NTM: variants seen among roughly 807,000 people sequenced by gnomAD.
The protein encoded by NTM is neurotrimin, also known as IgLON family member 2.
In NTM, 13 loss-of-function variants were observed where a neutral mutation model predicts 42.1. That is an observed-to-expected ratio of 0.31 (90% confidence interval 0.20 to 0.49). NTM has a LOEUF of 0.49. Among genes scored for constraint, NTM ranks in the 20% least tolerant of loss-of-function variants. NTM has a pLI of 0.99. For missense variants in NTM, 373 were observed against 452.8 expected (o/e 0.82, Z 1.60); for synonymous variants, 187 against 179.2 (o/e 1.04, Z -0.35).
Position 131,464,656 on chromosome 11 carries a change from A to C in NTM, c.82+93768A>C, listed in dbSNP as rs73588721. Among the ~76,000 whole-genome samples, 565 of 152,210 alleles carry C rather than the reference A, an allele frequency of 3.7e-3. 5 individuals carry two copies. Among genetic ancestry groups the C allele is most frequent in the African/African-American group, 0.013 (532 of 41,552 alleles). On this transcript the variant is annotated intron_variant, in intron 1 of 8. Coordinates refer to ENST00000683400, the MANE Select transcript of NTM (RefSeq NM_001352005.2). ...CACCTCGAACAAGCTCACAAATCAG[A>C]GATGTCTTCCGCCCCAGTCCTGGGA...
chr11:131,375,723 GA>G (rs1941877272), intron 1 of NTM, among the ~76,000 whole-genome samples: 2 of 151,944 alleles, frequency 1.3e-5, no homozygotes, highest in South Asian at 2.1e-4. Context: ...CAAAGGGTGG[GA>G]AAAAAAGAGC....
intron 1 of NTM, among the ~76,000 whole-genome samples, chr11:131,540,016 G>A (rs2052957425): frequency 6.6e-6 from 1 of 152,132 alleles, no homozygotes; most frequent in African/African-American, 2.4e-5. Context: ...CCTCATCCTT[G>A]CTCACTACGG....
At chr11:132,325,323 A>G (rs1435009127) in intron 7 of NTM, among the ~76,000 whole-genome samples, 40 of 151,966 alleles carry the variant, frequency 2.6e-4, no homozygotes, top group African/African-American at 9.7e-4. Flanking sequence ...CAAATTTACA[A>G]GAAAAAAACA....
At chr11:132,114,794 C>T (rs1304699020) in intron 2 of NTM, among the ~76,000 whole-genome samples, 1 of 152,118 alleles carries the variant, frequency 6.6e-6, no homozygotes, top group East Asian at 1.9e-4. Flanking sequence ...CGGGTAGGCT[C>T]CAGGGGCATA....
intron 1 of NTM, among the ~76,000 whole-genome samples, chr11:131,399,195 C>G (rs1591558791): frequency 6.6e-6 from 1 of 152,180 alleles, no homozygotes; most frequent in African/African-American, 2.4e-5. Context: ...CCTTAGTTTG[C>G]TGCCAGGATG....
intron 3 of NTM, among the ~76,000 whole-genome samples, chr11:132,189,540 T>A (rs770961225): frequency 5.3e-5 from 8 of 152,296 alleles, no homozygotes; most frequent in Non-Finnish European, 8.8e-5. Context: ...GAACCGAACT[T>A]GGACTTCTCC....
chr11:132,271,673 A>T lies in NTM; in HGVS notation c.527-36016A>T, dbSNP rs986361209. 4.7e-5 allele frequency among the ~76,000 whole-genome samples: 7 copies of T among 150,212 alleles called. No individual in the cohort carries two copies. The East Asian group carries it at 1.4e-3, about 29-fold the overall frequency. On this transcript the variant is annotated intron_variant, in intron 4 of 8. Transcript: ENST00000683400. ...GATAGGAACTGTTTTTGATGTTCTT[A>T]TTGGCCATTCATACATCTTTGGAGA...
intron 1 of NTM, among the ~76,000 whole-genome samples, chr11:131,805,896 A>G (rs1482823044): frequency 6.6e-6 from 1 of 152,200 alleles, no homozygotes; most frequent in East Asian, 1.9e-4. Flanking sequence ...TAGTTTTCTT[A>G]TTTGCACAAA....
At chr11:131,878,368 C>T (rs564878028) in intron 1 of NTM, among the ~76,000 whole-genome samples, 4 of 151,238 alleles carry the variant, frequency 2.6e-5, no homozygotes, top group East Asian at 3.9e-4. Flanking sequence ...GTCAGGAGTT[C>T]GAGACCAGCC....
At chr11:132,218,124 G>A (rs540076041) in intron 4 of NTM, among the ~76,000 whole-genome samples, 2 of 152,182 alleles carry the variant, frequency 1.3e-5, no homozygotes, top group African/African-American at 2.4e-5. Context: ...ACCAGCATCC[G>A]GGGCCCCGTG....
chr11:131,504,915 A>G (rs988377180), intron 1 of NTM, among the ~76,000 whole-genome samples: 5 of 152,128 alleles, frequency 3.3e-5, no homozygotes, highest in South Asian at 2.1e-4. Context: ...AGAATCCACA[A>G]TATGTTGATT....
At chr11:132,162,007 G>A (rs574373173) in intron 3 of NTM, among the ~76,000 whole-genome samples, 3 of 152,286 alleles carry the variant, frequency 2.0e-5, no homozygotes, top group Non-Finnish European at 2.9e-5. Flanking sequence ...CTCTCCGTGC[G>A]CAGTGCAGGG....
At chr11:131,493,415 G>A (rs556246749) in intron 1 of NTM, among the ~76,000 whole-genome samples, 1 of 152,270 alleles carries the variant, frequency 6.6e-6, no homozygotes, top group South Asian at 2.1e-4. Flanking sequence ...CTTTCTCTGT[G>A]TGTTTCGTTT....
chr11:131,688,033 T>C (rs1020996556), intron 1 of NTM, among the ~76,000 whole-genome samples: 1 of 152,202 alleles, frequency 6.6e-6, no homozygotes, highest in African/African-American at 2.4e-5. Context: ...TCCCAGGAGT[T>C]ATTATTGCAC....
At chr11:131,649,472 T>G (rs1185364736) in intron 1 of NTM, among the ~76,000 whole-genome samples, 3 of 152,184 alleles carry the variant, frequency 2.0e-5, no homozygotes, top group Non-Finnish European at 4.4e-5. Context: ...AATCCTAAAA[T>G]GCATGGGCTG....
chr11:132,271,674 T>C (rs2093485121), intron 4 of NTM, among the ~76,000 whole-genome samples: 1 of 152,118 alleles, frequency 6.6e-6, no homozygotes, highest in African/African-American at 2.4e-5. Context: ...GATGTTCTTA[T>C]TGGCCATTCA....
chr11:131,480,210 G>A (rs542507868), intron 1 of NTM, among the ~76,000 whole-genome samples: 2 of 151,184 alleles, frequency 1.3e-5, no homozygotes, highest in South Asian at 2.1e-4. Context: ...TTGGAACAGA[G>A]TAGTAGCAAG....
At chr11:132,156,088 G>A (rs1367157895) in intron 3 of NTM, among the ~76,000 whole-genome samples, 2 of 152,142 alleles carry the variant, frequency 1.3e-5, no homozygotes, top group African/African-American at 2.4e-5. Context: ...CACCCACTTT[G>A]CACCCCTCAC....
chr11:132,042,988 T>G (rs1390130422), intron 2 of NTM, among the ~76,000 whole-genome samples: 1 of 152,208 alleles, frequency 6.6e-6, no homozygotes, highest in Non-Finnish European at 1.5e-5. Flanking sequence ...TACTGTTGAT[T>G]TATGCCTCTG....
Sources: gnomAD v4.1 joint callset for allele counts (sites outside exome capture counted in the v4.1 genomes callset) on GRCh38, gnomAD v4.1.1 for gene constraint, MANE v1.5 for transcripts, NCBI Gene and HGNC (gene_info 2026-07-23, HGNC 2026-07-21) for gene names.